LITAF: variants seen among roughly 807,000 people sequenced by gnomAD.
LITAF encodes lipopolysaccharide induced TNF factor.
A neutral mutation model predicts 14.5 loss-of-function variants in LITAF; 9 were observed. That is an observed-to-expected ratio of 0.62 (90% CI 0.37 to 1.08). The LOEUF is 1.08. LITAF is among the 50% of genes least tolerant of loss of function. LITAF has a pLI of 0.01. For missense variants in LITAF, 206 were observed against 213.4 expected (o/e 0.97, Z 0.22); for synonymous variants, 98 against 88.2 (o/e 1.11, Z -0.62).
chr16:11,567,107 A>C (rs1392253869), intron 1 of LITAF, among the ~76,000 whole-genome samples: 2 of 152,126 alleles, frequency 1.3e-5, no homozygotes, highest in Non-Finnish European at 2.9e-5. Context: ...AGGCAGGAGG[A>C]GATCAAGTCG....
chr16:11,556,228 C>T (rs559234624), intron 2 of LITAF: 3 of 537,336 alleles, frequency 5.6e-6, no homozygotes, highest in South Asian at 3.1e-5. Flanking sequence ...CACAAACTCC[C>T]ATTCTCAGAA....
intron 1 of LITAF, among the ~76,000 whole-genome samples, chr16:11,565,850 C>T (rs1479835599): frequency 6.6e-6 from 1 of 151,408 alleles, no homozygotes; most frequent in East Asian, 1.9e-4. Context: ...TCCAAGAAGC[C>T]CTCTCTGCTT....
At chr16:11,587,391 C>A, upstream of LITAF, 1 of 454,004 alleles carries the variant, frequency 2.2e-6, no homozygotes, top group Non-Finnish European at 4.4e-6. Context: ...GGCGGCCCTT[C>A]TCTTCCTGTA....
chr16:11,565,006 C>CCTT (rs574769774), intron 1 of LITAF, among the ~76,000 whole-genome samples: 4 of 136,414 alleles, frequency 2.9e-5, no homozygotes, highest in Non-Finnish European at 6.2e-5. Context: ...ACTGAATTAT[C>CCTT]TTTTTTTTTT....
At chr16:11,582,943 TTG>T (rs2064761208) in intron 1 of LITAF, among the ~76,000 whole-genome samples, 1 of 152,228 alleles carries the variant, frequency 6.6e-6, no homozygotes. Context: ...ACGGTTTTTG[TTG>T]TCATGGAATT....
chr16:11,625,583 C>T (rs1039441788), intron 3 of LITAF, among the ~76,000 whole-genome samples: 1 of 152,106 alleles, frequency 6.6e-6, no homozygotes, highest in African/African-American at 2.4e-5. Context: ...TACTTGCACC[C>T]AAATTTCTGT....
chr16:11,635,352 G>T (rs1011695511), intron 2 of LITAF, among the ~76,000 whole-genome samples: 1 of 152,192 alleles, frequency 6.6e-6, no homozygotes, highest in Non-Finnish European at 1.5e-5. Context: ...CAGCCCTCCA[G>T]CCAGAGCCAA....
upstream of LITAF, among the ~76,000 whole-genome samples, chr16:11,639,980 A>T (rs1042459597): frequency 3.9e-5 from 6 of 152,138 alleles, no homozygotes; most frequent in Admixed American, 3.3e-4. Flanking sequence ...TCACTGTGTT[A>T]CCCAGGCTGG....
upstream of LITAF, among the ~76,000 whole-genome samples, chr16:11,602,412 A>G (rs1173578458): frequency 6.6e-6 from 1 of 152,164 alleles, no homozygotes; most frequent in Non-Finnish European, 1.5e-5. Context: ...GAAGAGCCCT[A>G]CGCAGGCTGT....
At chr16:11,555,064 G>C (rs765521601) in intron 2 of LITAF, among the ~76,000 whole-genome samples, 1 of 152,014 alleles carries the variant, frequency 6.6e-6, no homozygotes, top group Non-Finnish European at 1.5e-5. Flanking sequence ...ACAAGGTCTT[G>C]TTGTGTTGCC....
intron 1 of LITAF, among the ~76,000 whole-genome samples, chr16:11,568,807 G>A (rs1006547442): frequency 2.6e-5 from 4 of 151,778 alleles, no homozygotes; most frequent in African/African-American, 9.7e-5. Flanking sequence ...AGCTTCCTGA[G>A]TAGCTGGGAC....
At chr16:11,577,035 G>C (rs1385899045) in intron 1 of LITAF, among the ~76,000 whole-genome samples, 1 of 152,296 alleles carries the variant, frequency 6.6e-6, no homozygotes, top group East Asian at 1.9e-4. Flanking sequence ...TCCCCTGGCT[G>C]ACACCACATG....
upstream of LITAF, among the ~76,000 whole-genome samples, chr16:11,602,518 T>A (rs542671226): frequency 7.6e-4 from 115 of 152,280 alleles, no homozygotes; most frequent in Non-Finnish European, 1.4e-3. Context: ...CGTGTGTCAC[T>A]GTCTACAGCA....
intron 3 of LITAF, among the ~76,000 whole-genome samples, chr16:11,608,530 A>G (rs1483176463): frequency 6.6e-6 from 1 of 152,272 alleles, no homozygotes; most frequent in East Asian, 1.9e-4. Context: ...GTCCGTCGAC[A>G]GACAAGTGGA....
At chr16:11,556,398 G>A (rs746863067) in intron 2 of LITAF, 113 bp downstream of exon 2, 1 of 865,996 alleles carries the variant, frequency 1.2e-6, no homozygotes, top group African/African-American at 1.7e-5. Flanking sequence ...GGTAAAACTG[G>A]AACGTACTGG....
chr16:11,582,317 C>CG (rs1263360936), intron 1 of LITAF, among the ~76,000 whole-genome samples: 8 of 100,464 alleles, frequency 8.0e-5, no homozygotes, highest in Admixed American at 4.5e-4. Flanking sequence ...TCACTCACAA[C>CG]GGAAAAAAAA....
At chr16:11,624,211 C>A (rs1260191628) in intron 3 of LITAF, among the ~76,000 whole-genome samples, 1 of 152,144 alleles carries the variant, frequency 6.6e-6, no homozygotes. Flanking sequence ...ATCAGGTAGG[C>A]CTTTCCCTCA....
chr16:11,637,873 C>A (rs541299044), upstream of LITAF, among the ~76,000 whole-genome samples: 1 of 122,762 alleles, frequency 8.1e-6, no homozygotes, highest in Non-Finnish European at 1.6e-5. Context: ...AGAGTGAGAA[C>A]CTTCCTCAAA....
intron 1 of LITAF, chr16:11,575,550 C>G (rs1415529254): frequency 6.6e-6 from 1 of 152,156 alleles, no homozygotes; most frequent in Non-Finnish European, 1.5e-5. Flanking sequence ...ACCAGCAGTC[C>G]AAGAACAACT....
Sources: gnomAD v4.1 joint callset for allele counts (sites outside exome capture counted in the v4.1 genomes callset) on GRCh38, gnomAD v4.1.1 for gene constraint, MANE v1.5 for transcripts, NCBI Gene and HGNC (gene_info 2026-07-23, HGNC 2026-07-21) for gene names.